Variants in SPSB1 observed in about 807,000 individuals in gnomAD.
The protein encoded by SPSB1 is SPRY domain-containing SOCS box protein 1.
SPSB1 carries 8 observed loss-of-function variants against 21.2 expected under a neutral mutation model. That is an observed-to-expected ratio of 0.38 (90% CI 0.22 to 0.68). The LOEUF (loss-of-function observed/expected upper bound fraction) is 0.68. Ranked by LOEUF, SPSB1 falls within the 30% of genes least tolerant of loss-of-function variation. The probability of loss-of-function intolerance (pLI) is 0.53; values close to 1 mark genes in which losing one functional copy is unlikely to be tolerated. For synonymous variants in SPSB1, 169 were observed against 161.7 expected (o/e 1.05, Z -0.34); for missense variants, 242 against 377.8 (o/e 0.64, Z 2.98).
intron 1 of SPSB1, among the ~76,000 whole-genome samples, chr1:9,312,473 T>A (rs1275308550): frequency 6.6e-6 from 1 of 152,142 alleles, no homozygotes; most frequent in East Asian, 1.9e-4. Flanking sequence ...AATGTACACA[T>A]TGATGATTAT....
At chr1:9,359,992 G>T (rs1640443535) in intron 2 of SPSB1, among the ~76,000 whole-genome samples, 1 of 152,190 alleles carries the variant, frequency 6.6e-6, no homozygotes, top group South Asian at 2.1e-4. Flanking sequence ...GCTGACCCGA[G>T]ATGGGAAAGC....
chr1:9,364,315 C>G lies in SPSB1; in HGVS notation c.695-3133C>G, dbSNP rs144304499. 9.7e-4 allele frequency among the ~76,000 whole-genome samples: 148 copies of G among 152,388 alleles called. 1 individual carries two copies. The Middle Eastern group carries it at 0.01, about 11-fold the overall frequency. On this transcript the variant is annotated intron_variant, in intron 2 of 2. Coordinates refer to ENST00000328089, the MANE Select transcript of SPSB1 (RefSeq NM_025106.4). Reference sequence around the variant, plus strand: ...TTCCCCACTCCTCTGTGCAGAAGACCTACTCCCGACAGCCAGGCCAGACCA... The same window carrying G: ...TTCCCCACTCCTCTGTGCAGAAGACGTACTCCCGACAGCCAGGCCAGACCA...
intron 1 of SPSB1, among the ~76,000 whole-genome samples, chr1:9,311,167 T>G (rs868548330): frequency 2.6e-5 from 4 of 151,446 alleles, no homozygotes; most frequent in South Asian, 2.1e-4. Flanking sequence ...AGGGTTTTTT[T>G]TTTTTTTTTT....
At chr1:9,333,063 C>A (rs1639948518) in intron 1 of SPSB1, among the ~76,000 whole-genome samples, 1 of 152,228 alleles carries the variant, frequency 6.6e-6, no homozygotes, top group African/African-American at 2.4e-5. Context: ...AGGCACCCAG[C>A]AAACCCCCAG....
At chr1:9,296,869 C>T (rs941354296) in intron 1 of SPSB1, among the ~76,000 whole-genome samples, 1 of 152,214 alleles carries the variant, frequency 6.6e-6, no homozygotes, top group African/African-American at 2.4e-5. Context: ...TGCTGCCAAC[C>T]CCCTGAAACC....
rs1267421600 is a variant in SPSB1 at position 9,313,589 on chromosome 1, C to A, written c.-150+20518C>A. ...GGATGTGAATTCTGGGAGGGGTGGG[C>A]CCGGGCTGCTGGGGGAGAAATTTCT... is the stretch of plus-strand genomic sequence containing the variant. On this transcript the variant is annotated intron_variant, in intron 1 of 2. Transcript: ENST00000328089. 3.3e-5 allele frequency among the ~76,000 whole-genome samples: 5 copies of A among 152,134 alleles called. No homozygotes were observed. The East Asian group carries it at 9.7e-4, about 29-fold the overall frequency.
At chr1:9,358,924 G>A (rs935209696) in intron 2 of SPSB1, among the ~76,000 whole-genome samples, 8 of 152,248 alleles carry the variant, frequency 5.3e-5, no homozygotes, top group Admixed American at 2.0e-4. Context: ...CACATGTCCT[G>A]TGAATAGGCG....
rs755768724 is a variant in SPSB1, at chr1:9,356,345, G to A, written c.454G>A (p.Asp152Asn). 1.1e-5 allele frequency: 18 copies of A among 1,614,034 alleles called. No individual in the cohort carries two copies. Among genetic ancestry groups the A allele is most frequent in the East Asian group, 2.2e-5 (1 of 44,888 alleles). Reference protein sequence around the residue: ...WDLGRNRLYHDGKNQPSKTYP... With the variant: ...WDLGRNRLYHNGKNQPSKTYP... ...CTTGGGGCGCAACCGGCTCTACCAC[G>A]ATGGCAAGAACCAGCCAAGCAAAAC... is the stretch of plus-strand genomic sequence containing the variant. The change falls in exon 2 of 3, where the codon GAT (aspartate) becomes AAT (asparagine). Residue 152 changes from aspartate to asparagine, a missense_variant. Asp to Asn is a conservative substitution (Grantham distance 23, BLOSUM62 1). Coordinates refer to ENST00000328089, the MANE Select transcript of SPSB1 (RefSeq NM_025106.4). The surrounding 1 kb of genome is among the most constrained non-coding windows in gnomAD (Gnocchi z 7.4).
At chr1:9,295,948 G>A (rs1325769439) in intron 1 of SPSB1, among the ~76,000 whole-genome samples, 1 of 152,104 alleles carries the variant, frequency 6.6e-6, no homozygotes, top group Non-Finnish European at 1.5e-5. Context: ...CCAGGGGTGT[G>A]TTATCCTCTC....
chr1:9,319,260 G>A (rs977761503), intron 1 of SPSB1, among the ~76,000 whole-genome samples: 23 of 152,324 alleles, frequency 1.5e-4, no homozygotes, highest in Non-Finnish European at 2.6e-4. Context: ...GGTGGCACAG[G>A]GAGGGCACCA....
chr1:9,325,238 G>GAT (rs1557453365), intron 1 of SPSB1, among the ~76,000 whole-genome samples: 1 of 131,370 alleles, frequency 7.6e-6, no homozygotes, highest in Non-Finnish European at 1.5e-5. Context: ...CCCCCCCCCC[G>GAT]CCCCGCCTCC....
chr1:9,311,205 C>T lies in SPSB1; in HGVS notation c.-150+18134C>T, dbSNP rs116222751. On this transcript the variant is annotated intron_variant, in intron 1 of 2. Coordinates refer to ENST00000328089, the MANE Select transcript of SPSB1 (RefSeq NM_025106.4). The stretch of plus-strand genomic sequence containing the variant: ...ATGCCTTCATCATGCAGCCAGTATT[C>T]CCTGAATGCCCGCTCTGTCCTGGCT... Among the ~76,000 whole-genome samples the T allele has an allele frequency of 4.8e-3, 728 of 150,664 alleles. 7 individuals are homozygous for T. Among genetic ancestry groups the T allele is most frequent in the African/African-American group, 0.017 (702 of 40,994 alleles).
rs57871457 is a variant in SPSB1, at chr1:9,361,156, C to CT, written c.694+4598dup. ...CAGGCATGGCTGGATCTGTCATTTT[C>CT]TTTTTTTTTTTTTTTTTTTTTTTTT... On this transcript the variant is annotated intron_variant, in intron 2 of 2. Transcript: ENST00000328089. Among the ~76,000 whole-genome samples, 212 of 102,558 alleles carry CT rather than the reference C, an allele frequency of 2.1e-3. 9 individuals carry two copies. The highest frequency in any genetic ancestry group is 9.4e-3 in the South Asian group (28 of 2,980). 67.3% of individuals were successfully genotyped at this position (102,558 alleles called of 152,430 possible). A position where few individuals can be genotyped will look rare whatever the true frequency, so the allele number is the denominator to read the frequency against.
chr1:9,320,977 C>T (rs114575891), intron 1 of SPSB1, among the ~76,000 whole-genome samples: 6,967 of 152,166 alleles, frequency 0.046, 459 homozygotes, highest in African/African-American at 0.15. Flanking sequence ...ATCTCCTTCC[C>T]GAGTCCCTGG....
At chr1:9,309,264 GA>G (rs1639474405) in intron 1 of SPSB1, among the ~76,000 whole-genome samples, 1 of 137,370 alleles carries the variant, frequency 7.3e-6, no homozygotes, top group Non-Finnish European at 1.6e-5. Flanking sequence ...CCCCTGCGGA[GA>G]GAGAGAGAGA....
intron 1 of SPSB1, chr1:9,339,330 G>A (rs1432867971): frequency 1.0e-6 from 1 of 981,584 alleles, no homozygotes; most frequent in African/African-American, 1.8e-5. Context: ...TCTCGGGTGG[G>A]GCGTGGACTT....
intron 1 of SPSB1, among the ~76,000 whole-genome samples, chr1:9,338,194 C>T (rs1043919743): frequency 1.3e-5 from 2 of 152,200 alleles, no homozygotes; most frequent in African/African-American, 4.8e-5. Context: ...GGGTGCCACT[C>T]AGCTCTCCCC....
chr1:9,339,261 C>G (rs1462135975), intron 1 of SPSB1: 1 of 985,282 alleles, frequency 1.0e-6, no homozygotes, highest in African/African-American at 1.7e-5. Flanking sequence ...AACTCCAGGT[C>G]CCCCGGTAGG....
rs1324878604 is a variant in SPSB1 at position 9,293,163 on chromosome 1, A to G, written c.-150+92A>G. ...GGGCCGGGCGAGGGCGGACGCGGGG[A>G]TCGCGCCGCTGGGGGACCGAGTGGG... On this transcript the variant is annotated intron_variant, in intron 1 of 2. Coordinates refer to ENST00000328089, the MANE Select transcript of SPSB1 (RefSeq NM_025106.4). This position sits in a 1 kb window ranked among gnomAD's most constrained non-coding sequence, Gnocchi z 5.1. 1.4e-5 allele frequency: 14 copies of G among 966,994 alleles called. No homozygotes were observed. Among genetic ancestry groups the G allele is most frequent in the Non-Finnish European group, 1.6e-5 (13 of 816,124 alleles). 59.9% of individuals were successfully genotyped at this position (966,994 alleles called of 1,614,324 possible).
Sources: gnomAD v4.1 joint callset for allele counts (sites outside exome capture counted in the v4.1 genomes callset) on GRCh38, gnomAD v4.1.1 for gene constraint, Gnocchi (gnomAD v3.1) non-coding constraint, MANE v1.5 for transcripts, NCBI Gene and HGNC (gene_info 2026-07-23, HGNC 2026-07-21) for gene names.